ANK2: variants seen among roughly 807,000 people sequenced by gnomAD.
ANK2 encodes ankyrin 2.
A neutral mutation model predicts 360.5 loss-of-function variants in ANK2; 83 were observed. The observed-to-expected ratio is 0.23, with a 90% CI of 0.19 to 0.28. The LOEUF (loss-of-function observed/expected upper bound fraction) is 0.28, where lower values mean the gene tolerates loss of function less well. ANK2 is among the 10% of genes least tolerant of loss of function. The pLI is 1.00. For synonymous variants in ANK2, 1,740 were observed against 1,759.5 expected (o/e 0.99, Z 0.28); for missense variants, 4,201 against 4,795.7 (o/e 0.88, Z 3.66).
chr4:112,794,551 A>G, the ANK2 span, among the ~76,000 whole-genome samples: 3 of 152,328 alleles, frequency 2.0e-5, no homozygotes, highest in South Asian at 2.1e-4. Context: ...AGTACAATAT[A>G]TAAGCCTAAA....
chr4:112,889,233 C>CAA lies in ANK2; in HGVS notation c.-39-15210_-39-15209dup, dbSNP rs34818154. 4.3e-3 allele frequency among the ~76,000 whole-genome samples: 553 copies of CAA among 130,010 alleles called. 6 individuals are homozygous for CAA. The highest frequency in any genetic ancestry group is 0.015 in the African/African-American group (527 of 35,888). 85.3% of individuals were successfully genotyped at this position (130,010 alleles called of 152,430 possible). On this transcript the variant is annotated intron_variant, in intron 1 of 30. Transcript: ENST00000503271. The stretch of plus-strand genomic sequence containing the variant: ...GCTATAGCTGTTGGGGTCACTCATT[C>CAA]AAAAAAAAAAAAACAAAACCTTAAA...
the ANK2 span, among the ~76,000 whole-genome samples, chr4:112,723,346 T>G: frequency 6.6e-6 from 1 of 152,142 alleles, no homozygotes; most frequent in Non-Finnish European, 1.5e-5. Flanking sequence ...CACACCTGGC[T>G]CCTCAAGATT....
chr4:112,999,590 A>G (rs1199134678), intron 2 of ANK2, among the ~76,000 whole-genome samples: 1 of 152,062 alleles, frequency 6.6e-6, no homozygotes, highest in Non-Finnish European at 1.5e-5. Context: ...TGGAATACAA[A>G]GCCAGTGGTG....
At chr4:113,318,340 C>T (rs569613300) in intron 25 of ANK2, among the ~76,000 whole-genome samples, 177 bp from the exon 26 acceptor site, 3 of 152,262 alleles carry the variant, frequency 2.0e-5, no homozygotes, top group Admixed American at 1.3e-4. Flanking sequence ...TTAAATAATG[C>T]AGTTTAAAAG....
intron 1 of ANK2, among the ~76,000 whole-genome samples, chr4:112,847,615 G>A (rs1419479470): frequency 6.6e-6 from 1 of 152,064 alleles, no homozygotes; most frequent in African/African-American, 2.4e-5. Context: ...TAAAATATCT[G>A]TAATGACCTT....
At chr4:112,722,661 G>T in the ANK2 span, among the ~76,000 whole-genome samples, 11 of 152,316 alleles carry the variant, frequency 7.2e-5, no homozygotes, top group African/African-American at 2.4e-4. Flanking sequence ...AGAAAGCAAG[G>T]TTGGAGGAAG....
At chr4:112,805,541 G>A in the ANK2 span, among the ~76,000 whole-genome samples, 1 of 151,274 alleles carries the variant, frequency 6.6e-6, no homozygotes, top group Admixed American at 6.6e-5. Flanking sequence ...TGTAAAACAA[G>A]GGTGTAGGGA....
chr4:113,200,876 G>C (rs1486027600), intron 4 of ANK2, among the ~76,000 whole-genome samples: 1 of 151,816 alleles, frequency 6.6e-6, no homozygotes, highest in Non-Finnish European at 1.5e-5. Context: ...ATCACACGCC[G>C]GGGCCTGTCA....
chr4:112,791,619 G>C, the ANK2 span, among the ~76,000 whole-genome samples: 1 of 150,992 alleles, frequency 6.6e-6, no homozygotes, highest in Non-Finnish European at 1.5e-5. Flanking sequence ...CTCCTGAGTA[G>C]CTGGGACTAC....
chr4:112,973,982 G>A (rs191099498), intron 2 of ANK2, among the ~76,000 whole-genome samples: 3 of 152,334 alleles, frequency 2.0e-5, no homozygotes, highest in Admixed American at 2.0e-4. Flanking sequence ...AAGCAGTGCT[G>A]TACACTGACC....
Position 113,381,917 on chromosome 4 carries a change from T to C in ANK2, c.*446T>C, listed in dbSNP as rs114488000. 3.7e-3 allele frequency: 1,282 copies of C among 347,102 alleles called. 15 individuals are homozygous for C. The highest frequency in any genetic ancestry group is 0.026 in the African/African-American group (1,207 of 47,084). The allele number at this position is 347,102 out of a possible 1,614,324, so 21.5% of individuals were successfully genotyped here. On this transcript the variant is annotated 3_prime_UTR_variant, in exon 46 of 46. Transcript: ENST00000357077. ...CTGGCCACCTCCATTGTTCTTTGCT[T>C]CTGCACAAGATCCATGAAAATCCAT...
At chr4:113,105,070 G>C (rs559182352) in intron 1 of ANK2, among the ~76,000 whole-genome samples, 2 of 152,188 alleles carry the variant, frequency 1.3e-5, no homozygotes, top group Non-Finnish European at 2.9e-5. Context: ...CTAGCAGACA[G>C]GCAAAGCTGA....
chr4:112,922,133 C>T (rs927799256), intron 2 of ANK2, among the ~76,000 whole-genome samples: 13 of 152,304 alleles, frequency 8.5e-5, no homozygotes, highest in Admixed American at 2.6e-4. Context: ...TTTCTAGAAC[C>T]TTTGGTTTCC....
chr4:113,297,839 T>C (rs952366155), intron 22 of ANK2, among the ~76,000 whole-genome samples: 4 of 152,050 alleles, frequency 2.6e-5, no homozygotes, highest in African/African-American at 9.7e-5. Context: ...GGCTGAAGTG[T>C]AGTGGTACTA....
At chr4:112,826,440 T>C in intron 1 of ANK2, 1 of 1,056,864 alleles carries the variant, frequency 9.5e-7, no homozygotes, top group South Asian at 1.4e-5. Context: ...TTTTGAAGAA[T>C]CTTCAGGTGC....
At chr4:112,737,592 C>T in the ANK2 span, among the ~76,000 whole-genome samples, 1 of 152,180 alleles carries the variant, frequency 6.6e-6, no homozygotes, top group Non-Finnish European at 1.5e-5. Context: ...TGATCCACTT[C>T]CAAGGTGGCC....
chr4:113,293,471 G>A lies in ANK2; in HGVS notation c.2408G>A (p.Arg803His), dbSNP rs2069018340. 1.9e-6 allele frequency: 3 copies of A among 1,613,778 alleles called. No individual in the cohort carries two copies. The highest frequency in any genetic ancestry group is 2.5e-6 in the Non-Finnish European group (3 of 1,180,002). The change falls in exon 22 of 46, where the codon CGT becomes CAT. Residue 803 changes from arginine (R) to histidine (H), a missense_variant. Arg to His is a conservative substitution (Grantham distance 29, BLOSUM62 0). This residue lies in a region of ANK2 where 1,268 missense variants were observed against 1,650.8 expected (regional missense o/e 0.77). Transcript: ENST00000357077. Reference protein sequence around the residue: ...NGNTALAIAKRLGYISVVDTL... With the variant: ...NGNTALAIAKHLGYISVVDTL... ...AACACTGCCTTGGCGATTGCTAAGC[G>A]TCTGGGCTACATCTCCGTGGTCGAC...
At position 113,123,394 on chromosome 4, in the gene ANK2, G is replaced by A. The variant is rs182630374; in HGVS notation, c.85-51022G>A. ...CAAGCAAGTTAAGACTTCTACTCAT[G>A]CCATATTTAATGATCTACTTGTGTT... On this transcript the variant is annotated intron_variant, in intron 1 of 45. Coordinates refer to ENST00000357077, the MANE Select transcript of ANK2 (RefSeq NM_001148.6). Among the ~76,000 whole-genome samples, 163 of 152,182 alleles carry A rather than the reference G, an allele frequency of 1.1e-3. 1 individual carries two copies. The highest frequency in any genetic ancestry group is 1.8e-3 in the Non-Finnish European group (124 of 67,974).
At chr4:112,912,964 C>T (rs976914628) in intron 2 of ANK2, among the ~76,000 whole-genome samples, 2 of 152,012 alleles carry the variant, frequency 1.3e-5, no homozygotes, top group South Asian at 4.1e-4. Flanking sequence ...AGGGGAAGCA[C>T]TAGACTGAAA....
Sources: gnomAD v4.1 joint callset for allele counts (sites outside exome capture counted in the v4.1 genomes callset) on GRCh38, gnomAD v4.1.1 for gene constraint, gnomAD v4.1.1 regional missense constraint, MANE v1.5 for transcripts, NCBI Gene and HGNC (gene_info 2026-07-23, HGNC 2026-07-21) for gene names.